The following SNX6 variants were observed in gnomAD, a reference collection of about 807,000 sequenced individuals.
SNX6 encodes the protein sorting nexin 6, also known as sorting nexin-6.
In SNX6, 34 loss-of-function variants were observed where a neutral mutation model predicts 63.0. The ratio of observed to expected loss-of-function variants is 0.54; its 90% CI spans 0.41 to 0.72. The LOEUF (loss-of-function observed/expected upper bound fraction) is 0.72, where lower values mean the gene tolerates loss of function less well. Among genes scored for constraint, SNX6 ranks in the 30% least tolerant of loss-of-function variants. The pLI, the probability that SNX6 is intolerant of heterozygous loss-of-function variation, is 0.00. For synonymous variants in SNX6, 170 were observed against 164.2 expected, an observed-to-expected ratio of 1.04 and a Z score of -0.27; for missense variants, 398 against 471.4, an observed-to-expected ratio of 0.84 and a Z score of 1.44.
At chr14:34,587,596 G>C (rs1256723192) in intron 8 of SNX6, among the ~76,000 whole-genome samples, 1 of 146,094 alleles carries the variant, frequency 6.8e-6, no homozygotes, top group Non-Finnish European at 1.5e-5. Flanking sequence ...AATCCTGGGC[G>C]ATAGAGCTAG....
intron 4 of SNX6, 50 bp downstream of exon 4, chr14:34,607,980 T>C (rs748212056): frequency 2.2e-6 from 2 of 905,132 alleles, no homozygotes; most frequent in African/African-American, 1.7e-5. Context: ...CATAACGAAG[T>C]ACCTAAAACC....
chr14:34,620,975 G>A (rs916048275), intron 2 of SNX6, among the ~76,000 whole-genome samples: 18 of 152,036 alleles, frequency 1.2e-4, no homozygotes, highest in Admixed American at 1.0e-3. Context: ...GGTGACGGGC[G>A]TCTCACTCTG....
chr14:34,629,610 T>A (rs1239752931), intron 2 of SNX6: 1 of 653,242 alleles, frequency 1.5e-6, no homozygotes, highest in Admixed American at 2.1e-5. Context: ...ATCTCCCGCC[T>A]CCATTTCCAC....
intron 8 of SNX6, among the ~76,000 whole-genome samples, chr14:34,590,037 T>C (rs1479028242): frequency 6.6e-6 from 1 of 151,954 alleles, no homozygotes; most frequent in East Asian, 1.9e-4. Context: ...GAAGGATCGA[T>C]TGAGGATGCA....
At chr14:34,592,249 G>C (rs1250962609) in intron 8 of SNX6, among the ~76,000 whole-genome samples, 1 of 152,138 alleles carries the variant, frequency 6.6e-6, no homozygotes. Context: ...AGCCAGGCGC[G>C]GTGGCAGGTG....
intron 2 of SNX6, 141 bp downstream of exon 2, chr14:34,629,766 C>T: frequency 2.3e-6 from 3 of 1,311,142 alleles, no homozygotes; most frequent in Non-Finnish European, 3.2e-6. Context: ...GGGTGGGGCG[C>T]GGTGCAGCGA....
intron 13 of SNX6, among the ~76,000 whole-genome samples, chr14:34,565,235 G>A (rs1016604846): frequency 1.3e-5 from 2 of 151,612 alleles, no homozygotes; most frequent in Non-Finnish European, 2.9e-5. Flanking sequence ...CCGCCACCAC[G>A]CCCGGCTAAT....
chr14:34,614,195 G>A (rs1883336694), intron 2 of SNX6, among the ~76,000 whole-genome samples: 1 of 152,084 alleles, frequency 6.6e-6, no homozygotes, highest in Non-Finnish European at 1.5e-5. Context: ...GGGAGGCTGA[G>A]GCGATTGGAA....
intron 2 of SNX6, among the ~76,000 whole-genome samples, chr14:34,628,079 A>G (rs1341026393): frequency 6.6e-6 from 1 of 152,200 alleles, no homozygotes; most frequent in Non-Finnish European, 1.5e-5. Context: ...GGCTGGGCAC[A>G]GTGACTCACG....
At chr14:34,566,609 G>C (rs539334220) in intron 13 of SNX6, among the ~76,000 whole-genome samples, 1 of 152,306 alleles carries the variant, frequency 6.6e-6, no homozygotes, top group South Asian at 2.1e-4. Flanking sequence ...TTCTTTCAGA[G>C]CTGACCATTG....
intron 2 of SNX6, among the ~76,000 whole-genome samples, chr14:34,628,155 C>A (rs1883900435): frequency 6.6e-6 from 1 of 151,590 alleles, no homozygotes; most frequent in African/African-American, 2.4e-5. Context: ...CATGGTGAGA[C>A]CCTGTCTCTA....
At chr14:34,588,442 G>A (rs78752669) in intron 8 of SNX6, among the ~76,000 whole-genome samples, 3,156 of 152,048 alleles carry the variant, frequency 0.021, 61 homozygotes, top group South Asian at 0.036. Context: ...GCAAAGATTG[G>A]GTTTCACCAT....
intron 2 of SNX6, among the ~76,000 whole-genome samples, chr14:34,624,043 C>T (rs1883729415): frequency 6.6e-6 from 1 of 152,056 alleles, no homozygotes. Context: ...GAAAATGTGG[C>T]CAATATTTTT....
At chr14:34,589,807 CAGAG>C (rs1332115629) in intron 8 of SNX6, among the ~76,000 whole-genome samples, 1 of 151,120 alleles carries the variant, frequency 6.6e-6, no homozygotes, top group Admixed American at 6.6e-5. Context: ...CCTGGATAGA[CAGAG>C]AGAGACTCTG....
At chr14:34,594,769 G>A (rs78972250) in intron 7 of SNX6, among the ~76,000 whole-genome samples, 21 of 152,216 alleles carry the variant, frequency 1.4e-4, no homozygotes, top group Non-Finnish European at 2.8e-4. Context: ...CAGAACACAA[G>A]CAGCAAGAGT....
intron 2 of SNX6, among the ~76,000 whole-genome samples, chr14:34,611,213 G>A (rs1883214154): frequency 1.4e-5 from 2 of 147,874 alleles, no homozygotes. Flanking sequence ...GGCTGGTCTT[G>A]AACTCCTGAC....
intron 8 of SNX6, among the ~76,000 whole-genome samples, chr14:34,590,135 G>A (rs1258475190): frequency 6.6e-6 from 1 of 151,202 alleles, no homozygotes; most frequent in Non-Finnish European, 1.5e-5. Flanking sequence ...ACAACAACAA[G>A]AATAAAGCTG....
intron 6 of SNX6, 96 bp from the exon 7 acceptor site, chr14:34,597,741 T>C (rs1594726636): frequency 2.0e-5 from 13 of 663,492 alleles, no homozygotes; most frequent in South Asian, 1.8e-4. Flanking sequence ...AAAAGGATCC[T>C]AGTTTTTAAT....
chr14:34,610,613 GT>G (rs1883191674), intron 2 of SNX6, among the ~76,000 whole-genome samples: 1 of 152,078 alleles, frequency 6.6e-6, no homozygotes, highest in Non-Finnish European at 1.5e-5. Flanking sequence ...TACTCAATAA[GT>G]AACTCCATAA....
Sources: gnomAD v4.1 joint callset for allele counts (sites outside exome capture counted in the v4.1 genomes callset) on GRCh38, gnomAD v4.1.1 for gene constraint, MANE v1.5 for transcripts, NCBI Gene and HGNC (gene_info 2026-07-23, HGNC 2026-07-21) for gene names.